Variants in RERG observed in about 807,000 individuals in gnomAD.
The protein encoded by RERG is RAS like estrogen regulated growth inhibitor.
In RERG, 25 loss-of-function variants were observed where a neutral mutation model predicts 23.2. The ratio of observed to expected loss-of-function variants is 1.08; its 90% confidence interval spans 0.79 to 1.50. RERG has a LOEUF of 1.50. RERG is among the 40% of genes most tolerant of loss of function. The pLI, the probability that RERG is intolerant of heterozygous loss-of-function variation, is 0.00. For synonymous variants in RERG, 81 were observed against 89.1 expected (o/e 0.91, Z 0.51); for missense variants, 253 against 250.1 (o/e 1.01, Z -0.08).
intron 2 of RERG, among the ~76,000 whole-genome samples, chr12:15,213,192 G>T (rs1565539679): frequency 6.6e-6 from 1 of 152,206 alleles, no homozygotes. Context: ...CAACTGTGAA[G>T]CTAAATTTAC....
chr12:15,163,510 C>G (rs1864643377), intron 2 of RERG, among the ~76,000 whole-genome samples: 1 of 152,162 alleles, frequency 6.6e-6, no homozygotes, highest in South Asian at 2.1e-4. Context: ...ATTTAATAGT[C>G]AGATGGTCTC....
At chr12:15,187,321 C>T (rs147518344) in intron 2 of RERG, among the ~76,000 whole-genome samples, 2 of 152,156 alleles carry the variant, frequency 1.3e-5, no homozygotes, top group East Asian at 3.9e-4. Context: ...TTAGCACATC[C>T]AAAGTCTAAC....
intron 2 of RERG, among the ~76,000 whole-genome samples, chr12:15,189,808 G>C (rs1450245240): frequency 2.0e-5 from 3 of 152,170 alleles, no homozygotes; most frequent in Non-Finnish European, 4.4e-5. Flanking sequence ...AGGGCTCACT[G>C]AATCTGTTCT....
chr12:15,188,399 C>T (rs975764277), intron 2 of RERG, among the ~76,000 whole-genome samples: 1 of 152,110 alleles, frequency 6.6e-6, no homozygotes, highest in African/African-American at 2.4e-5. Flanking sequence ...GAAAGTTACA[C>T]AAACACACAA....
chr12:15,151,523 G>A (rs921676328), intron 2 of RERG, among the ~76,000 whole-genome samples: 1 of 152,200 alleles, frequency 6.6e-6, no homozygotes, highest in Non-Finnish European at 1.5e-5. Context: ...AGTGGCATTT[G>A]TTGTAGATTG....
chr12:15,118,707 GCC>G (rs11304709), intron 3 of RERG, among the ~76,000 whole-genome samples: 3 of 150,732 alleles, frequency 2.0e-5, no homozygotes, highest in South Asian at 2.1e-4. Flanking sequence ...TGTCTGGCAT[GCC>G]CCCCCCCACC....
At chr12:15,175,691 T>C (rs1279727281) in intron 2 of RERG, among the ~76,000 whole-genome samples, 1 of 152,162 alleles carries the variant, frequency 6.6e-6, no homozygotes, top group African/African-American at 2.4e-5. Flanking sequence ...AAAAATTCCC[T>C]GGGGATAGGG....
At chr12:15,133,247 T>G (rs1864086187) in intron 2 of RERG, among the ~76,000 whole-genome samples, 1 of 150,710 alleles carries the variant, frequency 6.6e-6, no homozygotes, top group African/African-American at 2.4e-5. Flanking sequence ...TGCCTATTCA[T>G]CCCTCTCTTC....
At chr12:15,177,432 G>A (rs998608869) in intron 2 of RERG, among the ~76,000 whole-genome samples, 1 of 152,050 alleles carries the variant, frequency 6.6e-6, no homozygotes, top group African/African-American at 2.4e-5. Flanking sequence ...CAGCCTGGGT[G>A]AAAGAATGAG....
intron 2 of RERG, among the ~76,000 whole-genome samples, chr12:15,124,264 C>G (rs1429511132): frequency 2.2e-5 from 3 of 137,334 alleles, no homozygotes; most frequent in Non-Finnish European, 4.8e-5. Flanking sequence ...GCTGGTTACT[C>G]AAAATAATTC....
chr12:15,204,252 A>G (rs1865255338), intron 2 of RERG, among the ~76,000 whole-genome samples: 1 of 151,882 alleles, frequency 6.6e-6, no homozygotes, highest in Non-Finnish European at 1.5e-5. Flanking sequence ...TAGAGAGCCC[A>G]GAAATAAACC....
At chr12:15,199,324 TGA>T (rs910954055) in intron 2 of RERG, among the ~76,000 whole-genome samples, 1 of 152,190 alleles carries the variant, frequency 6.6e-6, no homozygotes, top group African/African-American at 2.4e-5. Flanking sequence ...TGTTTCCATT[TGA>T]TTATGGCATT....
At chr12:15,118,252 G>T (rs1863766882) in intron 3 of RERG, among the ~76,000 whole-genome samples, 2 of 151,996 alleles carry the variant, frequency 1.3e-5, no homozygotes, top group South Asian at 4.1e-4. Flanking sequence ...GGAGTCACTT[G>T]CTACTATAGT....
At chr12:15,152,484 A>G (rs369210447) in intron 2 of RERG, among the ~76,000 whole-genome samples, 2 of 152,190 alleles carry the variant, frequency 1.3e-5, no homozygotes, top group East Asian at 3.9e-4. Context: ...GAAGGCTCTG[A>G]AGCAAGCCAC....
rs375403267 is a variant in RERG, at chr12:15,196,577, T to C, written c.61+20852A>G. The stretch of plus-strand genomic sequence containing the variant: ...GACTGTAGACCTTGCACCAAAAATA[T>C]GCTTGGGGTCAACTCAAACACATGA... On this transcript the variant is annotated intron_variant, in intron 2 of 4. Coordinates refer to ENST00000256953, the MANE Select transcript of RERG (RefSeq NM_032918.3). Among the ~76,000 whole-genome samples, 365 of 152,276 alleles carry C rather than the reference T, an allele frequency of 2.4e-3. 1 individual carries two copies. Among genetic ancestry groups the C allele is most frequent in the Non-Finnish European group, 4.0e-3 (270 of 68,010 alleles).
chr12:15,119,259 T>C (rs1169942508), intron 3 of RERG, among the ~76,000 whole-genome samples: 1 of 152,168 alleles, frequency 6.6e-6, no homozygotes, highest in Non-Finnish European at 1.5e-5. Flanking sequence ...GCACTATACA[T>C]AACTGATGCA....
chr12:15,129,708 G>C (rs145407634), intron 2 of RERG, among the ~76,000 whole-genome samples: 135 of 152,246 alleles, frequency 8.9e-4, no homozygotes, highest in African/African-American at 2.8e-3. Flanking sequence ...ATGTGGTTCA[G>C]GGTGGGTAGA....
intron 2 of RERG, among the ~76,000 whole-genome samples, chr12:15,126,724 C>CTTTTTTTTTTTTTTTTTTTTT (rs71042228): frequency 3.8e-5 from 5 of 132,462 alleles, no homozygotes; most frequent in Non-Finnish European, 6.3e-5. Flanking sequence ...CTTTTTCTTT[C>CTTTTTTTTTTTTTTTTTTTTT]TTTTTTTTTT....
At position 15,154,591 on chromosome 12, in the gene RERG, G is replaced by A. The variant is rs1864494252; in HGVS notation, c.62-33472C>T. 1.3e-5 allele frequency among the ~76,000 whole-genome samples: 2 copies of A among 152,298 alleles called. 1 individual carries two copies. The highest frequency in any genetic ancestry group is 4.1e-4 in the South Asian group (2 of 4,832). ...AAATTTGCAGAATGGGAAAAACACT[G>A]CAATTATAGGCAGCAACCATGGACA... is the stretch of plus-strand genomic sequence containing the variant. On this transcript the variant is annotated intron_variant, in intron 2 of 4. Coordinates refer to ENST00000256953, the MANE Select transcript of RERG (RefSeq NM_032918.3).
Sources: allele counts gnomAD v4.1 joint callset (sites outside exome capture counted in the v4.1 genomes callset), GRCh38; gene constraint gnomAD v4.1.1; transcripts MANE v1.5; gene names NCBI Gene and HGNC (gene_info 2026-07-23, HGNC 2026-07-21).